The following PLPPR1 variants were observed in gnomAD, a reference collection of about 807,000 sequenced individuals.
PLPPR1 encodes phospholipid phosphatase related 1.
In PLPPR1, 10 loss-of-function variants were observed where a neutral mutation model predicts 33.1. That is an observed-to-expected ratio of 0.30 (90% CI 0.19 to 0.51). The LOEUF is 0.51. Among genes scored for constraint, PLPPR1 ranks in the 20% least tolerant of loss-of-function variants. The pLI, the probability that PLPPR1 is intolerant of heterozygous loss-of-function variation, is 0.97. For missense variants in PLPPR1, 304 were observed against 408.1 expected (o/e 0.74, Z 2.20); for synonymous variants, 151 against 151.0 (o/e 1.00, Z 0.00).
intron 1 of PLPPR1, among the ~76,000 whole-genome samples, chr9:101,165,971 T>A (rs1825853134): frequency 6.6e-6 from 1 of 152,206 alleles, no homozygotes; most frequent in South Asian, 2.1e-4. Flanking sequence ...TTTACCATAT[T>A]CATTCTTCTC....
intron 1 of PLPPR1, among the ~76,000 whole-genome samples, chr9:101,047,837 GC>G (rs1418959814): frequency 6.6e-6 from 1 of 152,130 alleles, no homozygotes; most frequent in African/African-American, 2.4e-5. Flanking sequence ...TCTTTGAGCA[GC>G]CCTTCAATTT....
chr9:101,210,961 G>A (rs905864370), intron 2 of PLPPR1, among the ~76,000 whole-genome samples: 1 of 152,034 alleles, frequency 6.6e-6, no homozygotes, highest in African/African-American at 2.4e-5. Flanking sequence ...TAGAAACGGG[G>A]TTTCACCATG....
intron 2 of PLPPR1, among the ~76,000 whole-genome samples, chr9:101,202,268 T>C (rs945446489): frequency 1.3e-5 from 2 of 152,240 alleles, no homozygotes; most frequent in African/African-American, 4.8e-5. Flanking sequence ...AATGTCATGC[T>C]ATAGAGAATT....
intron 1 of PLPPR1, among the ~76,000 whole-genome samples, chr9:101,096,134 G>A (rs1286133772): frequency 6.6e-6 from 1 of 152,126 alleles, no homozygotes; most frequent in Non-Finnish European, 1.5e-5. Context: ...GTAAACAGTG[G>A]TGTGCTTGGG....
At chr9:101,314,484 A>C (rs1431548429) in intron 6 of PLPPR1, among the ~76,000 whole-genome samples, 1 of 152,194 alleles carries the variant, frequency 6.6e-6, no homozygotes, top group African/African-American at 2.4e-5. Flanking sequence ...GTTCCAGACC[A>C]TTGCAACAGT....
intron 4 of PLPPR1, among the ~76,000 whole-genome samples, chr9:101,290,978 G>T (rs910262121): frequency 6.6e-6 from 1 of 152,238 alleles, no homozygotes; most frequent in South Asian, 2.1e-4. Flanking sequence ...AAAGTAGGGC[G>T]AGGCATTGCT....
intron 1 of PLPPR1, among the ~76,000 whole-genome samples, chr9:101,066,008 A>C (rs1435236506): frequency 6.6e-6 from 1 of 151,954 alleles, no homozygotes; most frequent in Non-Finnish European, 1.5e-5. Flanking sequence ...GATTTTCTTA[A>C]TTTTTATCTG....
intron 1 of PLPPR1, among the ~76,000 whole-genome samples, chr9:101,153,585 T>A (rs946230167): frequency 2.6e-5 from 4 of 152,064 alleles, no homozygotes; most frequent in African/African-American, 9.7e-5. Flanking sequence ...CTAATTTATT[T>A]ATTTATTGAG....
chr9:101,043,056 C>T (rs149036072), intron 1 of PLPPR1, among the ~76,000 whole-genome samples: 1 of 152,054 alleles, frequency 6.6e-6, no homozygotes, highest in African/African-American at 2.4e-5. Flanking sequence ...TCTCTCACCC[C>T]CTTCCCACCC....
rs1374859003 is a variant in PLPPR1 at position 101,295,121 on chromosome 9, A to G, written c.385+8885A>G. ...AGCAAAGTCTCAGGATACAAAATCA[A>G]TGTACAAAAATCACAAGCATTCTTA... On this transcript the variant is annotated intron_variant, in intron 4 of 7. Transcript: ENST00000374874. Among the ~76,000 whole-genome samples, 7 of 152,148 alleles carry G rather than the reference A, an allele frequency of 4.6e-5. No homozygotes were observed. In the East Asian group the frequency reaches 1.2e-3, roughly 25 times the overall value.
intron 2 of PLPPR1, among the ~76,000 whole-genome samples, chr9:101,201,177 T>C (rs1235475369): frequency 6.6e-6 from 1 of 152,144 alleles, no homozygotes; most frequent in Non-Finnish European, 1.5e-5. Context: ...TGAAGCCTCT[T>C]TCATAAGGAC....
At chr9:101,142,335 A>G (rs1428475441) in intron 1 of PLPPR1, among the ~76,000 whole-genome samples, 1 of 152,224 alleles carries the variant, frequency 6.6e-6, no homozygotes, top group Non-Finnish European at 1.5e-5. Flanking sequence ...TAGATGGGTT[A>G]AAGACCCATC....
chr9:101,078,229 A>G (rs1177735273), intron 1 of PLPPR1, among the ~76,000 whole-genome samples: 6 of 87,282 alleles, frequency 6.9e-5, no homozygotes, highest in African/African-American at 9.1e-5. Flanking sequence ...GGGAGGGGGG[A>G]AGTCAAAGGC....
At chr9:101,030,399 T>G (rs536685664) in intron 1 of PLPPR1, among the ~76,000 whole-genome samples, 1 of 150,998 alleles carries the variant, frequency 6.6e-6, no homozygotes, top group East Asian at 2.0e-4. Flanking sequence ...GGTTGGCAGC[T>G]CCTATTCTTC....
At position 101,235,946 on chromosome 9, in the gene PLPPR1, C is replaced by A. The variant is rs540491869; in HGVS notation, c.64-33934C>A. Among the ~76,000 whole-genome samples the A allele has an allele frequency of 5.3e-5, 8 of 151,846 alleles. 1 individual carries two copies. In the South Asian group the frequency reaches 1.5e-3, roughly 28 times the overall value. ...GATGTCAGCAGAGCTTTATACCTGACAAAATGGGAACCAGAACTATTTGAT... is the reference window on the plus strand; with the variant it reads ...GATGTCAGCAGAGCTTTATACCTGAAAAAATGGGAACCAGAACTATTTGAT... On this transcript the variant is annotated intron_variant, in intron 2 of 7. Transcript: ENST00000374874.
intron 1 of PLPPR1, among the ~76,000 whole-genome samples, chr9:101,154,464 C>T (rs1831646345): frequency 6.6e-6 from 1 of 152,136 alleles, no homozygotes; most frequent in African/African-American, 2.4e-5. Flanking sequence ...AGGAATTTAT[C>T]CATTTCATCT....
intron 2 of PLPPR1, among the ~76,000 whole-genome samples, chr9:101,262,700 C>G (rs1006119144): frequency 6.6e-6 from 1 of 152,090 alleles, no homozygotes; most frequent in Non-Finnish European, 1.5e-5. Flanking sequence ...AAGATACATG[C>G]CCATGTATGT....
intron 4 of PLPPR1, among the ~76,000 whole-genome samples, chr9:101,306,663 C>T (rs1828864274): frequency 6.6e-6 from 1 of 152,170 alleles, no homozygotes; most frequent in African/African-American, 2.4e-5. Flanking sequence ...ACAGATGGAG[C>T]AGAGCCTTAA....
intron 1 of PLPPR1, among the ~76,000 whole-genome samples, chr9:101,062,553 T>C (rs1477516008): frequency 6.6e-6 from 1 of 152,094 alleles, no homozygotes; most frequent in Non-Finnish European, 1.5e-5. Flanking sequence ...TTTTAGTCTG[T>C]ATTATTTTAT....
Sources: allele counts gnomAD v4.1 joint callset (sites outside exome capture counted in the v4.1 genomes callset), GRCh38; gene constraint gnomAD v4.1.1; transcripts MANE v1.5; gene names NCBI Gene and HGNC (gene_info 2026-07-23, HGNC 2026-07-21).